The following AP1G1 variants were observed in gnomAD, a reference collection of about 807,000 sequenced individuals.
AP1G1 encodes adaptor related protein complex 1 subunit gamma 1.
In AP1G1, 7 loss-of-function variants were observed where a neutral mutation model predicts 108.3. That is an observed-to-expected ratio of 0.06 (90% CI 0.04 to 0.12). AP1G1 has a LOEUF of 0.12. Ranked by LOEUF, AP1G1 falls within the 10% of genes least tolerant of loss-of-function variation. The pLI is 1.00. For synonymous variants in AP1G1, 379 were observed against 353.5 expected (o/e 1.07, Z -0.81); for missense variants, 756 against 1,010.7 (o/e 0.75, Z 3.42).
chr16:71,749,816 C>T (rs2030391313), intron 15 of AP1G1, 78 bp downstream of exon 15: 1 of 1,239,478 alleles, frequency 8.1e-7, no homozygotes, highest in Non-Finnish European at 1.2e-6. Context: ...GAATCAACCT[C>T]AACTCCCCAT....
At chr16:71,745,907 T>C (rs1567642773) in intron 17 of AP1G1, among the ~76,000 whole-genome samples, 1 of 152,108 alleles carries the variant, frequency 6.6e-6, no homozygotes, top group Non-Finnish European at 1.5e-5. Flanking sequence ...GTATTAACAG[T>C]CAAGAAGATA....
intron 10 of AP1G1, among the ~76,000 whole-genome samples, chr16:71,759,899 C>T (rs1001557189): frequency 1.5e-4 from 23 of 152,014 alleles, no homozygotes; most frequent in African/African-American, 5.1e-4. Flanking sequence ...GCCTTTCCCC[C>T]AAAATGCAAT....
Position 71,732,329 on chromosome 16 carries a change from G to A in AP1G1, c.*729C>T, listed in dbSNP as rs764283446. 5.2e-5 allele frequency: 8 copies of A among 152,618 alleles called. No homozygotes were observed. Among genetic ancestry groups the A allele is most frequent in the Admixed American group, 2.0e-4 (3 of 15,284 alleles). 9.5% of individuals were successfully genotyped at this position (152,618 alleles called of 1,614,324 possible). ...GCCTTGGAAGTTTCTATTACAAATA[G>A]AGCACCATATCCTTCATGCCAAATC... On this transcript the variant is annotated 3_prime_UTR_variant, in exon 23 of 23. Transcript: ENST00000299980.
In AP1G1 at chr16:71,808,775, T is replaced by A; in HGVS notation, c.-16A>T. The A allele has an allele frequency of 7.8e-7, 1 of 1,289,300 alleles. No individual in the cohort carries two copies. The highest frequency in any genetic ancestry group is 1.0e-6 in the Non-Finnish European group (1 of 988,650). The allele number at this position is 1,289,300 out of a possible 1,614,324, so 79.9% of individuals were successfully genotyped here. On this transcript the variant is annotated 5_prime_UTR_variant, in exon 1 of 23. Coordinates refer to ENST00000299980, the MANE Select transcript of AP1G1 (RefSeq NM_001128.6). ...GAGTGACACTCACCGGCCCGAAACC[T>A]CGAATGAAACCAGCAGCTCCGGGGG...
chr16:71,772,781 T>C (rs1200766372), intron 4 of AP1G1, among the ~76,000 whole-genome samples: 1 of 152,184 alleles, frequency 6.6e-6, no homozygotes, highest in Non-Finnish European at 1.5e-5. Flanking sequence ...TAAAATCAGA[T>C]AGAAGAATAA....
intron 2 of AP1G1, among the ~76,000 whole-genome samples, chr16:71,782,639 C>T (rs940428830): frequency 6.6e-6 from 1 of 151,938 alleles, no homozygotes; most frequent in Admixed American, 6.6e-5. Context: ...AGGCGCCTGA[C>T]ACCACACCTG....
chr16:71,755,070 T>C (rs1254931521), intron 12 of AP1G1, among the ~76,000 whole-genome samples: 1 of 152,176 alleles, frequency 6.6e-6, no homozygotes, highest in Non-Finnish European at 1.5e-5. Flanking sequence ...ATAAGGTACT[T>C]CCTCAAAATT....
chr16:71,803,307 T>G (rs1567666917), intron 1 of AP1G1, among the ~76,000 whole-genome samples: 1 of 152,238 alleles, frequency 6.6e-6, no homozygotes, highest in African/African-American at 2.4e-5. Flanking sequence ...AAATGACTTC[T>G]TCCTTCTAAA....
intron 15 of AP1G1, among the ~76,000 whole-genome samples, chr16:71,749,067 C>T (rs577761564): frequency 3.3e-5 from 5 of 152,086 alleles, no homozygotes; most frequent in South Asian, 2.1e-4. Flanking sequence ...CCACCACGCC[C>T]GGCCAATTTT....
chr16:71,751,240 T>C (rs2030485896), intron 13 of AP1G1: 1 of 151,740 alleles, frequency 6.6e-6, no homozygotes, highest in Admixed American at 6.6e-5. Flanking sequence ...TCGCAGCACT[T>C]TGGATGGCTG....
At chr16:71,745,681 A>ATAG in intron 17 of AP1G1, 67 bp from the exon 18 acceptor site, 5 of 1,368,666 alleles carry the variant, frequency 3.7e-6, no homozygotes, top group South Asian at 1.2e-5. Context: ...AATAATCACC[A>ATAG]TTAACTATGT....
At chr16:71,797,941 T>C (rs186901603) in intron 1 of AP1G1, among the ~76,000 whole-genome samples, 17 of 152,306 alleles carry the variant, frequency 1.1e-4, no homozygotes, top group African/African-American at 4.1e-4. Flanking sequence ...TATTTACTTT[T>C]AATTAATGTA....
At chr16:71,735,948 T>G (rs555158022) in intron 21 of AP1G1, among the ~76,000 whole-genome samples, 3 of 148,996 alleles carry the variant, frequency 2.0e-5, no homozygotes, top group African/African-American at 7.4e-5. Flanking sequence ...CTGGTCAACA[T>G]GGCAAAACCC....
In AP1G1 at chr16:71,748,307, T is replaced by G; in HGVS notation, c.1569A>C (p.Arg523=). The G allele has an allele frequency of 6.2e-7, 1 of 1,613,992 alleles. No homozygotes were observed. Among genetic ancestry groups the G allele is most frequent in the Non-Finnish European group, 8.5e-7 (1 of 1,179,896 alleles). Residue 523 remains arginine (R), a synonymous_variant, in exon 16 of 23, where the codon CGA becomes CGC. Transcript: ENST00000299980. ...LISNMSTSVT[R]GYALTAIMKL... ...TCATAATGGCAGTGAGGGCATAACC[T>G]CGTGTCACAGAGGTGGACATATTAG...
intron 7 of AP1G1, 55 bp downstream of exon 7, chr16:71,765,434 A>G (rs962436085): frequency 7.8e-7 from 1 of 1,289,024 alleles, no homozygotes. Flanking sequence ...GAAATTGTCT[A>G]CTTAAAGATA....
At chr16:71,738,014 C>T (rs1484043900) in intron 21 of AP1G1, among the ~76,000 whole-genome samples, 1 of 152,172 alleles carries the variant, frequency 6.6e-6, no homozygotes, top group Non-Finnish European at 1.5e-5. Flanking sequence ...AAAAACTACC[C>T]ACTCCTCATT....
chr16:71,808,257 G>C, intron 1 of AP1G1: 3 of 1,017,944 alleles, frequency 2.9e-6, no homozygotes, highest in Non-Finnish European at 3.7e-6. Context: ...CGGAAGGTTA[G>C]AGAGAGGCGA....
intron 1 of AP1G1, among the ~76,000 whole-genome samples, chr16:71,793,722 C>A (rs1229862549): frequency 1.3e-5 from 2 of 152,076 alleles, no homozygotes; most frequent in African/African-American, 4.8e-5. Flanking sequence ...TCTCACTCTG[C>A]CACCCAGGCT....
chr16:71,730,851 A>C lies in AP1G1; in HGVS notation c.*2207T>G, dbSNP rs1254801782. 1 of 152,594 alleles carries C rather than the reference A, an allele frequency of 6.6e-6. No individual in the cohort carries two copies. The highest frequency in any genetic ancestry group is 1.5e-5 in the Non-Finnish European group (1 of 68,054). 9.5% of individuals were successfully genotyped at this position (152,594 alleles called of 1,614,324 possible). A position where few individuals can be genotyped will look rare whatever the true frequency, so the allele number is the denominator to read the frequency against. On this transcript the variant is annotated 3_prime_UTR_variant, in exon 23 of 23. Transcript: ENST00000299980. ...CCTCGAAACTATGATCACCCAAGGA[A>C]ATGCTCTGTCAGCAGAGTAGACCCT...
Sources: allele counts gnomAD v4.1 joint callset (sites outside exome capture counted in the v4.1 genomes callset), GRCh38; gene constraint gnomAD v4.1.1; transcripts MANE v1.5; gene names NCBI Gene and HGNC (gene_info 2026-07-23, HGNC 2026-07-21).